The following PARD3B variants were observed in gnomAD, a reference collection of about 807,000 sequenced individuals.
The protein encoded by PARD3B is partitioning defective 3 homolog B.
In PARD3B, 103 loss-of-function variants were observed where a neutral mutation model predicts 130.2. That is an observed-to-expected ratio of 0.79 (90% CI 0.67 to 0.93). The LOEUF (loss-of-function observed/expected upper bound fraction) is 0.93. Among genes scored for constraint, PARD3B ranks in the 40% least tolerant of loss-of-function variants. The probability of loss-of-function intolerance (pLI) is 0.00; values close to 1 mark genes in which losing one functional copy is unlikely to be tolerated. For missense variants in PARD3B, 1,609 were observed against 1,499.2 expected (o/e 1.07, Z -1.21); for synonymous variants, 583 against 553.2 (o/e 1.05, Z -0.76).
chr2:204,652,526 C>G (rs961970850), intron 1 of PARD3B, among the ~76,000 whole-genome samples: 8 of 152,190 alleles, frequency 5.3e-5, no homozygotes, highest in Non-Finnish European at 1.2e-4. Context: ...CAAAACCATT[C>G]AACAAGTATC....
intron 21 of PARD3B, among the ~76,000 whole-genome samples, chr2:205,510,448 A>G (rs1455972864): frequency 1.3e-5 from 2 of 152,176 alleles, no homozygotes; most frequent in South Asian, 2.1e-4. Flanking sequence ...TCTGGTTACC[A>G]CTGAGATGCC....
chr2:205,514,491 A>G (rs1470446359), intron 21 of PARD3B, among the ~76,000 whole-genome samples: 1 of 152,152 alleles, frequency 6.6e-6, no homozygotes, highest in East Asian at 1.9e-4. Context: ...TAAAAAAGAC[A>G]TTTTTAAATA....
chr2:205,488,276 G>A (rs1024583907), intron 20 of PARD3B, among the ~76,000 whole-genome samples: 22 of 152,032 alleles, frequency 1.4e-4, no homozygotes, highest in African/African-American at 4.6e-4. Flanking sequence ...GGGTGTTGGG[G>A]GTTGGGGAAC....
chr2:205,039,193 A>G (rs940445181), intron 3 of PARD3B, among the ~76,000 whole-genome samples: 1 of 152,176 alleles, frequency 6.6e-6, no homozygotes, highest in Admixed American at 6.5e-5. Flanking sequence ...GCCTCCAAAA[A>G]CAAATGATGT....
Sources: allele counts gnomAD v4.1 joint callset (sites outside exome capture counted in the v4.1 genomes callset), GRCh38; gene constraint gnomAD v4.1.1; transcripts MANE v1.5; gene names NCBI Gene and HGNC (gene_info 2026-07-23, HGNC 2026-07-21).